Variants in WDR70 observed in about 807,000 individuals in gnomAD.
WDR70 encodes the protein WD repeat domain 70, also known as WD repeat-containing protein 70.
Under a neutral mutation model 88.6 loss-of-function variants are expected in WDR70, and 53 were observed. The observed-to-expected ratio is 0.60, with a 90% confidence interval of 0.48 to 0.75. The LOEUF (loss-of-function observed/expected upper bound fraction) is 0.75, where lower values mean the gene tolerates loss of function less well. Among genes scored for constraint, WDR70 ranks in the 30% least tolerant of loss-of-function variants. The pLI, the probability that WDR70 is intolerant of heterozygous loss-of-function variation, is 0.00. For synonymous variants in WDR70, 280 were observed against 270.0 expected (o/e 1.04, Z -0.36); for missense variants, 610 against 823.2 (o/e 0.74, Z 3.17).
chr5:37,697,429 C>T (rs1747013202), intron 10 of WDR70, among the ~76,000 whole-genome samples: 1 of 152,184 alleles, frequency 6.6e-6, no homozygotes, highest in Admixed American at 6.5e-5. Flanking sequence ...AAAAATGTCT[C>T]CTGCTAGGAC....
intron 9 of WDR70, among the ~76,000 whole-genome samples, chr5:37,595,567 T>G (rs1743677765): frequency 6.6e-6 from 1 of 152,166 alleles, no homozygotes; most frequent in South Asian, 2.1e-4. Context: ...AGTTGAATGT[T>G]TGGAGATAGA....
chr5:37,622,296 A>G (rs1473562281), intron 10 of WDR70, among the ~76,000 whole-genome samples: 1 of 151,982 alleles, frequency 6.6e-6, no homozygotes, highest in Non-Finnish European at 1.5e-5. Flanking sequence ...TGTTGGTGGG[A>G]CTGTAAACTA....
chr5:37,578,921 T>A (rs1175230486), intron 9 of WDR70, among the ~76,000 whole-genome samples: 1 of 152,264 alleles, frequency 6.6e-6, no homozygotes, highest in Non-Finnish European at 1.5e-5. Context: ...CTCATTTAAA[T>A]AACTTTTTTG....
Position 37,586,880 on chromosome 5 carries a change from A to G in WDR70, c.918-18184A>G, listed in dbSNP as rs539391831. On this transcript the variant is annotated intron_variant, in intron 9 of 17. Transcript: ENST00000265107. ...TTTCATCCAGACCCTATACAACAAG[A>G]TTCTCCACCTGAATGTCACACAGCT... Among the ~76,000 whole-genome samples the G allele has an allele frequency of 2.0e-5, 3 of 152,276 alleles. No homozygotes were observed. In the East Asian group the frequency reaches 5.8e-4, roughly 29 times the overall value.
chr5:37,549,868 C>CTTT (rs112467824), intron 9 of WDR70, among the ~76,000 whole-genome samples: 1 of 141,668 alleles, frequency 7.1e-6, no homozygotes. Context: ...TTTTTTTTTG[C>CTTT]TTTTTTTTTT....
chr5:37,724,304 A>G (rs1747906641), intron 15 of WDR70: 1 of 152,106 alleles, frequency 6.6e-6, no homozygotes, highest in Non-Finnish European at 1.5e-5. Context: ...TTGAACGCAT[A>G]TTACTTTGGT....
At chr5:37,480,861 C>T (rs563235483) in intron 8 of WDR70, among the ~76,000 whole-genome samples, 1 of 152,326 alleles carries the variant, frequency 6.6e-6, no homozygotes, top group African/African-American at 2.4e-5. Flanking sequence ...CAAGTCCCTT[C>T]CACCTATGAG....
intron 10 of WDR70, among the ~76,000 whole-genome samples, chr5:37,672,427 G>A (rs1441159301): frequency 3.9e-5 from 6 of 152,200 alleles, no homozygotes; most frequent in South Asian, 2.1e-4. Flanking sequence ...TGTAAAACCC[G>A]CTCGTACATT....
At chr5:37,404,317 C>T (rs536635741) in intron 5 of WDR70, among the ~76,000 whole-genome samples, 2 of 151,898 alleles carry the variant, frequency 1.3e-5, no homozygotes, top group East Asian at 3.9e-4. Flanking sequence ...CTCATGGATA[C>T]CTAAGGATAT....
At chr5:37,519,153 C>T (rs910311109) in intron 9 of WDR70, among the ~76,000 whole-genome samples, 3 of 152,174 alleles carry the variant, frequency 2.0e-5, no homozygotes, top group African/African-American at 4.8e-5. Context: ...CTTTTCTTTT[C>T]GACAAAACTG....
rs1411768203 is a variant in WDR70 at position 37,640,134 on chromosome 5, C to T, written c.1092+34896C>T. Reference sequence around the variant, plus strand: ...ACATTTGCAAGTGATTCTTTTATGTCTCTGAAGTCTATATTTTAAATTTTT... The same window carrying T: ...ACATTTGCAAGTGATTCTTTTATGTTTCTGAAGTCTATATTTTAAATTTTT... On this transcript the variant is annotated intron_variant, in intron 10 of 17. Transcript: ENST00000265107. Among the ~76,000 whole-genome samples, 3 of 152,132 alleles carry T rather than the reference C, an allele frequency of 2.0e-5. No homozygotes were observed. The East Asian group carries it at 5.8e-4, about 29-fold the overall frequency.
At chr5:37,623,038 A>T (rs7729195) in intron 10 of WDR70, among the ~76,000 whole-genome samples, 1 of 152,108 alleles carries the variant, frequency 6.6e-6, no homozygotes, top group African/African-American at 2.4e-5. Flanking sequence ...TCTGTGTCTT[A>T]GATTCTTCCA....
Position 37,438,463 on chromosome 5 carries a change from T to C in WDR70, c.552+482T>C, listed in dbSNP as rs534848566. 7.9e-5 allele frequency among the ~76,000 whole-genome samples: 12 copies of C among 152,262 alleles called. No homozygotes were observed. In the South Asian group the frequency reaches 2.1e-3, roughly 26 times the overall value. On this transcript the variant is annotated intron_variant, in intron 6 of 17. Transcript: ENST00000265107. ...ATGTTTATATTGTTATATTTACTTATGTTTGAGTAATCTAAAATATTTAAA... is the reference window on the plus strand; with the variant it reads ...ATGTTTATATTGTTATATTTACTTACGTTTGAGTAATCTAAAATATTTAAA...
In WDR70 at chr5:37,664,608, G is replaced by A. The variant is rs985376875; in HGVS notation, c.1093-33047G>A. Among the ~76,000 whole-genome samples, 3 of 151,914 alleles carry A rather than the reference G, an allele frequency of 2.0e-5. No homozygotes were observed. In the South Asian group the frequency reaches 6.2e-4, roughly 32 times the overall value. ...ACCATGATAAAGTTGACCTTTTCTT[G>A]GTGTTTTTACTATACAGTTTATGGA... On this transcript the variant is annotated intron_variant, in intron 10 of 17. Coordinates refer to ENST00000265107, the MANE Select transcript of WDR70 (RefSeq NM_018034.4).
intron 10 of WDR70, among the ~76,000 whole-genome samples, chr5:37,655,379 G>T (rs1173300729): frequency 6.6e-6 from 1 of 152,036 alleles, no homozygotes; most frequent in East Asian, 1.9e-4. Context: ...TAATATTTTT[G>T]CCTTCATTTC....
At chr5:37,472,528 T>G (rs1739357317) in intron 7 of WDR70, among the ~76,000 whole-genome samples, 1 of 152,060 alleles carries the variant, frequency 6.6e-6, no homozygotes, top group African/African-American at 2.4e-5. Context: ...GGAGTCTTGT[T>G]CTGTTGCCCA....
At chr5:37,595,140 C>G (rs528665469) in intron 9 of WDR70, among the ~76,000 whole-genome samples, 4 of 152,270 alleles carry the variant, frequency 2.6e-5, no homozygotes, top group African/African-American at 9.6e-5. Context: ...ATTTCTTTCT[C>G]TTGCCTGATT....
chr5:37,700,682 G>C (rs149848955), intron 11 of WDR70, among the ~76,000 whole-genome samples: 1 of 152,248 alleles, frequency 6.6e-6, no homozygotes, highest in South Asian at 2.1e-4. Flanking sequence ...AAGAAGTAAC[G>C]TATGCTCAAA....
intron 9 of WDR70, among the ~76,000 whole-genome samples, chr5:37,536,887 C>T (rs527618744): frequency 1.3e-5 from 2 of 151,536 alleles, no homozygotes; most frequent in Admixed American, 6.6e-5. Context: ...TTTGTAATAC[C>T]TTTATTGGAC....
Sources: allele counts gnomAD v4.1 joint callset (sites outside exome capture counted in the v4.1 genomes callset), GRCh38; gene constraint gnomAD v4.1.1; transcripts MANE v1.5; gene names NCBI Gene and HGNC (gene_info 2026-07-23, HGNC 2026-07-21).